The following HAS1 variants were observed in gnomAD, a reference collection of about 807,000 sequenced individuals.
HAS1 encodes the protein hyaluronan synthase 1.
In HAS1, 27 loss-of-function variants were observed where a neutral mutation model predicts 35.0. The observed-to-expected ratio is 0.77, with a 90% confidence interval of 0.57 to 1.06. The LOEUF (loss-of-function observed/expected upper bound fraction) is 1.06. Ranked by LOEUF, HAS1 falls within the 50% of genes least tolerant of loss-of-function variation. HAS1 has a pLI of 0.00. For synonymous variants in HAS1, 409 were observed against 371.2 expected (o/e 1.10, Z -1.17); for missense variants, 940 against 814.8 (o/e 1.15, Z -1.87).
chr19:51,720,047 T>A (rs993637524), intron 1 of HAS1, 152 bp from the exon 2 acceptor site: 6 of 577,382 alleles, frequency 1.0e-5, no homozygotes, highest in African/African-American at 2.0e-5. Flanking sequence ...CTTCTCTTTA[T>A]CTTTCTCTCT....
rs527320059 is a variant in HAS1, at chr19:51,714,105, G to C, written c.1059-3C>G. ...AGCAGCGGGACCTGGAGGTGTACCT[G>C]CACGGGGGCGAGGAATGAGGGCATC... On this transcript the variant is annotated splice_region_variant and splice_polypyrimidine_tract_variant and intron_variant, in intron 4 of 4. Coordinates refer to ENST00000540069, the MANE Select transcript of HAS1 (RefSeq NM_001297436.2). The C allele has an allele frequency of 1.2e-6, 2 of 1,609,776 alleles. No individual in the cohort carries two copies. Among genetic ancestry groups the C allele is most frequent in the Non-Finnish European group, 1.7e-6 (2 of 1,178,252 alleles).
Position 51,713,302 on chromosome 19 carries a change from C to A in HAS1, c.*125G>T. 1.1e-6 allele frequency: 1 copy of A among 928,460 alleles called. No individual in the cohort carries two copies. The highest frequency in any genetic ancestry group is 1.5e-6 in the Non-Finnish European group (1 of 655,272). The allele number at this position is 928,460 out of a possible 1,614,324, so 57.5% of individuals were successfully genotyped here. ...AGACTGAAGAATCTTGGGCTGACCC[C>A]CTCGTTTTGCAGAGGAGGGAAACTG... On this transcript the variant is annotated 3_prime_UTR_variant, in exon 5 of 5. Coordinates refer to ENST00000540069, the MANE Select transcript of HAS1 (RefSeq NM_001297436.2). The surrounding 1 kb of genome is among the most constrained non-coding windows in gnomAD (Gnocchi z 4.5).
intron 3 of HAS1, 84 bp from the exon 4 acceptor site, chr19:51,716,472 T>A (rs954992175): frequency 1.7e-6 from 2 of 1,203,024 alleles, no homozygotes; most frequent in Non-Finnish European, 2.3e-6. Flanking sequence ...CCCAACCCCA[T>A]CTCCAGTTCC....
intron 4 of HAS1, among the ~76,000 whole-genome samples, chr19:51,714,596 T>C (rs946628722): frequency 7.3e-6 from 1 of 137,816 alleles, no homozygotes; most frequent in Non-Finnish European, 1.5e-5. Context: ...GAGGCTGAGA[T>C]GGGGGAATCA....
At chr19:51,715,825 G>A (rs748307764) in intron 4 of HAS1, among the ~76,000 whole-genome samples, 7 of 152,004 alleles carry the variant, frequency 4.6e-5, no homozygotes, top group South Asian at 2.1e-4. Flanking sequence ...TTCTTTCTCC[G>A]TGGCTCTCTC....
At position 51,713,264 on chromosome 19, in the gene HAS1, C is replaced by A. The variant is rs2083552197; in HGVS notation, c.*163G>T. ...TCCCTGGAGACCCAGAAGTCCCAGT[C>A]CCAATATAGTCCAGACTGAAGAATC... On this transcript the variant is annotated 3_prime_UTR_variant, in exon 5 of 5. Transcript: ENST00000540069. This position sits in a 1 kb window ranked among gnomAD's most constrained non-coding sequence, Gnocchi z 4.5. 14 of 622,980 alleles carry A rather than the reference C, an allele frequency of 2.2e-5. No homozygotes were observed. In the South Asian group the frequency reaches 4.3e-4, roughly 19 times the overall value. 38.6% of individuals were successfully genotyped at this position (622,980 alleles called of 1,614,324 possible).
At chr19:51,716,875 G>T in intron 3 of HAS1, 93 bp downstream of exon 3, 2 of 881,180 alleles carry the variant, frequency 2.3e-6, no homozygotes, top group Non-Finnish European at 3.8e-6. Flanking sequence ...CTGCATCTTT[G>T]TTCCCAACCC....
chr19:51,722,096 A>G (rs2083635156), intron 1 of HAS1, among the ~76,000 whole-genome samples: 2 of 152,184 alleles, frequency 1.3e-5, no homozygotes, highest in South Asian at 4.1e-4. Context: ...TCCTGCCTCA[A>G]GGCTTACTGT....
rs1019343918 is a variant in HAS1 at position 51,719,731 on chromosome 19, G to A, written c.174C>T (p.Tyr58=). ...DRYGLLAFGL[Y]GAFLSAHLVA... ...CCAGGTGCGCTGAAAGGAAGGCCCC[G>A]TAGAGGCCGAAGGCCAGGAGGCCGT... The change falls in exon 2 of 5, where the codon TAC becomes TAT. Residue 58 remains tyrosine (Y), a synonymous_variant. Coordinates refer to ENST00000540069, the MANE Select transcript of HAS1 (RefSeq NM_001297436.2). 3.2e-6 allele frequency: 5 copies of A among 1,569,256 alleles called. No individual in the cohort carries two copies. In the African/African-American group the frequency reaches 6.8e-5, roughly 21 times the overall value.
Position 51,713,682 on chromosome 19 carries a change from C to G in HAS1, c.1479G>C (p.Arg493=). 4 of 1,587,576 alleles carry G rather than the reference C, an allele frequency of 2.5e-6. No individual in the cohort carries two copies. Among genetic ancestry groups the G allele is most frequent in the Non-Finnish European group, 3.4e-6 (4 of 1,168,444 alleles). Residue 493 remains arginine (R), a synonymous_variant, in exon 5 of 5, where the codon CGG becomes CGC. Transcript: ENST00000540069. The surrounding 1 kb of genome is among the most constrained non-coding windows in gnomAD (Gnocchi z 4.5). ...NQSGWGTSGR[R]KLAANYVPLL... ...GAGGGACGTAGTTAGCGGCCAGCTT[C>G]CGCCGGCCCGAGGTGCCCCAGCCAC...
At chr19:51,718,572 T>G (rs12609884) in intron 2 of HAS1, among the ~76,000 whole-genome samples, 1 of 152,008 alleles carries the variant, frequency 6.6e-6, no homozygotes, top group Non-Finnish European at 1.5e-5. Flanking sequence ...GTTTTGCTCT[T>G]GTTGCCCAGG....
chr19:51,714,108 C>G lies in HAS1; in HGVS notation c.1059-6G>C. ...AGCGGGACCTGGAGGTGTACCTGCA[C>G]GGGGGCGAGGAATGAGGGCATCATC... On this transcript the variant is annotated splice_region_variant and splice_polypyrimidine_tract_variant and intron_variant, in intron 4 of 4. Coordinates refer to ENST00000540069, the MANE Select transcript of HAS1 (RefSeq NM_001297436.2). 3 of 1,609,252 alleles carry G rather than the reference C, an allele frequency of 1.9e-6. No homozygotes were observed. The highest frequency in any genetic ancestry group is 2.5e-6 in the Non-Finnish European group (3 of 1,178,054).
At chr19:51,723,513 GA>G (rs768426593) in intron 1 of HAS1, among the ~76,000 whole-genome samples, 1 of 152,180 alleles carries the variant, frequency 6.6e-6, no homozygotes, top group African/African-American at 2.4e-5. Context: ...TTGAACGCAT[GA>G]AACAGAAATC....
rs1229491233 is a variant in HAS1, at chr19:51,716,308, C to T, written c.1006G>A (p.Gly336Arg). The change falls in exon 4 of 5, where the codon GGG becomes AGG. Residue 336 changes from glycine (G) to arginine (R), a missense_variant. Coordinates refer to ENST00000540069, the MANE Select transcript of HAS1 (RefSeq NM_001297436.2). ...CGGTTGGTGAGGTGCCGGTCATCCC[C>T]AAAAGTACAGTGGGTACCCAGGAAC... ...QKFLGTHCTF[G>R]DDRHLTNRML... The T allele has an allele frequency of 1.1e-5, 18 of 1,613,834 alleles. No individual in the cohort carries two copies. Among genetic ancestry groups the T allele is most frequent in the Non-Finnish European group, 1.4e-5 (17 of 1,179,868 alleles).
chr19:51,720,805 C>G (rs1247226100), intron 1 of HAS1, among the ~76,000 whole-genome samples: 1 of 152,188 alleles, frequency 6.6e-6, no homozygotes, highest in African/African-American at 2.4e-5. Context: ...TTTGAAATCT[C>G]TTAAATCCGT....
intron 1 of HAS1, among the ~76,000 whole-genome samples, chr19:51,720,973 T>G (rs2083627852): frequency 6.6e-6 from 1 of 152,204 alleles, no homozygotes; most frequent in Non-Finnish European, 1.5e-5. Flanking sequence ...ACCAAAATGC[T>G]GTGTACCAGT....
Position 51,719,382 on chromosome 19 carries a change from C to T in HAS1, c.523G>A (p.Gly175Ser). The T allele has an allele frequency of 1.3e-6, 2 of 1,585,344 alleles. No individual in the cohort carries two copies. The highest frequency in any genetic ancestry group is 1.7e-6 in the Non-Finnish European group (2 of 1,165,654). ...YHQPWEPAAAGAVGAGAYREV... is the reference protein window; with the variant it reads ...YHQPWEPAAASAVGAGAYREV... ...CGATAGGCTCCGGCGCCCACCGCGC[C>T]CGCCGCCGCGGGTTCCCAGGGCTGG... The change falls in exon 2 of 5, where the codon GGC becomes AGC. Residue 175 changes from glycine (G) to serine (S), a missense_variant. Coordinates refer to ENST00000540069, the MANE Select transcript of HAS1 (RefSeq NM_001297436.2).
rs1333380549 is a variant in HAS1 at position 51,713,518 on chromosome 19, A to G, written c.1643T>C (p.Val548Ala). ...YHLAAGAGAY[V>A]GYWVAMLTLY... ...CGTCAACATGGCCACCCAGTAGCCC[A>G]CGTAGGCGCCGGCCCCCGCGGCCAA... Residue 548 changes from valine to alanine, a missense_variant, in exon 5 of 5, where the codon GTG (valine) becomes GCG (alanine). Physicochemically the swap from Val to Ala is moderately conservative, Grantham distance 64 (BLOSUM62 0). Coordinates refer to ENST00000540069, the MANE Select transcript of HAS1 (RefSeq NM_001297436.2). This position sits in a 1 kb window ranked among gnomAD's most constrained non-coding sequence, Gnocchi z 4.5. The G allele has an allele frequency of 2.5e-6, 4 of 1,604,336 alleles. No individual in the cohort carries two copies. Among genetic ancestry groups the G allele is most frequent in the Non-Finnish European group, 3.4e-6 (4 of 1,176,282 alleles).
At chr19:51,714,188 C>T (rs776429945) in intron 4 of HAS1, 86 bp from the exon 5 acceptor site, 231 of 1,535,342 alleles carry the variant, frequency 1.5e-4, no homozygotes, top group Middle Eastern at 1.0e-3. Flanking sequence ...CCACTGTGGA[C>T]GGCCACTGGG....
Sources: allele counts gnomAD v4.1 joint callset (sites outside exome capture counted in the v4.1 genomes callset), GRCh38; gene constraint gnomAD v4.1.1; non-coding constraint Gnocchi (gnomAD v3.1); transcripts MANE v1.5; gene names NCBI Gene and HGNC (gene_info 2026-07-23, HGNC 2026-07-21).